The following GAS7 variants were observed in gnomAD, a reference collection of about 807,000 sequenced individuals.
The protein encoded by GAS7 is growth arrest specific 7.
A neutral mutation model predicts 71.1 loss-of-function variants in GAS7; 28 were observed. The observed-to-expected ratio is 0.39, with a 90% confidence interval of 0.29 to 0.54. GAS7 has a LOEUF of 0.54. Ranked by LOEUF, GAS7 falls within the 20% of genes least tolerant of loss-of-function variation. The probability of loss-of-function intolerance (pLI) is 0.62; values close to 1 mark genes in which losing one functional copy is unlikely to be tolerated. For missense variants in GAS7, 436 were observed against 627.8 expected (o/e 0.69, Z 3.27); for synonymous variants, 258 against 245.8 (o/e 1.05, Z -0.46).
intron 1 of GAS7, among the ~76,000 whole-genome samples, chr17:10,098,995 T>C (rs115421636): frequency 0.013 from 1,961 of 152,164 alleles, 33 homozygotes; most frequent in African/African-American, 0.045. Context: ...TAACACAGGT[T>C]AGATGAAGGG....
chr17:10,005,078 C>T (rs998689287), intron 2 of GAS7, among the ~76,000 whole-genome samples: 3 of 127,318 alleles, frequency 2.4e-5, no homozygotes, highest in African/African-American at 1.2e-4. Flanking sequence ...TGCACGCATA[C>T]ATGCGTGTGT....
At chr17:10,182,610 A>C (rs895201955) in intron 1 of GAS7, among the ~76,000 whole-genome samples, 1 of 152,214 alleles carries the variant, frequency 6.6e-6, no homozygotes, top group East Asian at 1.9e-4. Flanking sequence ...CTAGGGGGAT[A>C]AAATGGACAG....
chr17:9,943,909 G>A (rs967045781), intron 6 of GAS7, among the ~76,000 whole-genome samples: 6 of 152,088 alleles, frequency 3.9e-5, no homozygotes, highest in Admixed American at 6.6e-5. Flanking sequence ...CCTTCATGTG[G>A]TCATTTCAGG....
At chr17:10,181,201 G>A (rs1032414212) in intron 1 of GAS7, among the ~76,000 whole-genome samples, 8 of 149,342 alleles carry the variant, frequency 5.4e-5, no homozygotes, top group Admixed American at 2.0e-4. Context: ...CTCTACTACA[G>A]TACAAAAAAT....
intron 1 of GAS7, among the ~76,000 whole-genome samples, chr17:10,120,691 GA>G (rs1393426531): frequency 3.3e-5 from 5 of 152,014 alleles, no homozygotes; most frequent in Non-Finnish European, 5.9e-5. Context: ...CAGCCTGGGG[GA>G]CAAGAGTGAG....
At chr17:10,071,406 T>C (rs1238727063) in intron 1 of GAS7, among the ~76,000 whole-genome samples, 1 of 151,864 alleles carries the variant, frequency 6.6e-6, no homozygotes, top group Non-Finnish European at 1.5e-5. Flanking sequence ...GAACAGAAAA[T>C]GGGTGAAGGC....
intron 1 of GAS7, among the ~76,000 whole-genome samples, chr17:10,099,368 G>A (rs1251558401): frequency 6.6e-6 from 1 of 152,200 alleles, no homozygotes; most frequent in Non-Finnish European, 1.5e-5. Flanking sequence ...AGATCTGCCT[G>A]CAGCAGGGTA....
rs550260238 is a variant in GAS7, at chr17:9,916,035, C to T, written c.*1193G>A. On this transcript the variant is annotated 3_prime_UTR_variant, in exon 14 of 14. Transcript: ENST00000432992. ...AGGGCTCTGGAATGTCCAGAAGGAG[C>T]GGGAAGCAAAGGTGGCGGGACACTG... The T allele has an allele frequency of 4.7e-4, 109 of 232,768 alleles. 1 individual carries two copies. Among genetic ancestry groups the T allele is most frequent in the East Asian group, 3.0e-3 (50 of 16,506 alleles). The allele number at this position is 232,768 out of a possible 1,614,324, so 14.4% of individuals were successfully genotyped here.
chr17:9,927,878 A>G (rs934924391), intron 9 of GAS7, among the ~76,000 whole-genome samples: 1 of 152,122 alleles, frequency 6.6e-6, no homozygotes, highest in Non-Finnish European at 1.5e-5. Context: ...TTGCGCTCAT[A>G]AAGACATTCT....
intron 4 of GAS7, among the ~76,000 whole-genome samples, chr17:9,962,239 T>TACACACACAA (rs1555605519): frequency 1.3e-5 from 2 of 148,614 alleles, no homozygotes; most frequent in African/African-American, 5.0e-5. Flanking sequence ...GTGCATTTTA[T>TACACACACAA]ACACACACAC....
intron 1 of GAS7, among the ~76,000 whole-genome samples, chr17:10,054,412 CA>C (rs906723702): frequency 6.6e-6 from 1 of 152,076 alleles, no homozygotes; most frequent in African/African-American, 2.4e-5. Flanking sequence ...GTTGCTAGAG[CA>C]TCTCGTTTTT....
intron 4 of GAS7, among the ~76,000 whole-genome samples, chr17:9,965,392 C>T (rs1047715772): frequency 3.9e-5 from 6 of 152,188 alleles, no homozygotes; most frequent in Non-Finnish European, 8.8e-5. Flanking sequence ...TGGAGGCCAT[C>T]ATTCTCAGCA....
intron 1 of GAS7, among the ~76,000 whole-genome samples, chr17:10,030,181 G>C (rs1316862461): frequency 6.6e-6 from 1 of 152,210 alleles, no homozygotes; most frequent in African/African-American, 2.4e-5. Context: ...TGAGTCTTTT[G>C]AGTCTTACCT....
chr17:10,071,043 C>T (rs1402863825), intron 1 of GAS7, among the ~76,000 whole-genome samples: 2 of 151,990 alleles, frequency 1.3e-5, no homozygotes, highest in Middle Eastern at 3.2e-3. Flanking sequence ...TCTGGCCTGG[C>T]ATCTGGAACA....
intron 1 of GAS7, among the ~76,000 whole-genome samples, chr17:10,162,345 C>T (rs185413043): frequency 2.6e-5 from 4 of 152,266 alleles, no homozygotes; most frequent in Admixed American, 2.6e-4. Flanking sequence ...TAGGAGGGAG[C>T]TGTATATTTT....
Position 9,948,957 on chromosome 17 carries a change from C to T in GAS7, c.526-1974G>A, listed in dbSNP as rs150221388. ...AAGCACCTGCTGAAGTGGAAAATGT[C>T]ACACATTAAAAAATGATGCAGCCCT... On this transcript the variant is annotated intron_variant, in intron 5 of 13. Transcript: ENST00000432992. Among the ~76,000 whole-genome samples, 664 of 152,286 alleles carry T rather than the reference C, an allele frequency of 4.4e-3. 3 individuals are homozygous for T. The highest frequency in any genetic ancestry group is 0.015 in the African/African-American group (638 of 41,570).
rs2073726662 is a variant in GAS7 at position 10,103,494 on chromosome 17, G to A, written c.184-83597C>T. Among the ~76,000 whole-genome samples the A allele has an allele frequency of 2.0e-5, 3 of 152,038 alleles. No homozygotes were observed. The highest frequency in any genetic ancestry group is 1.3e-4 in the Admixed American group (2 of 15,258). On this transcript the variant is annotated intron_variant, in intron 1 of 13. Transcript: ENST00000432992. This position sits in a 1 kb window ranked among gnomAD's most constrained non-coding sequence, Gnocchi z 5.5. ...AAAACAACGATTTCATTTCTCAGAT[G>A]ATGGGAAATGTTTTCTCTCACACTT...
At chr17:10,155,184 T>G (rs1011340290) in intron 1 of GAS7, among the ~76,000 whole-genome samples, 1 of 151,918 alleles carries the variant, frequency 6.6e-6, no homozygotes, top group Non-Finnish European at 1.5e-5. Flanking sequence ...CCAGCTAATT[T>G]TTTGTATTTT....
At chr17:10,015,373 C>A (rs934300384) in intron 2 of GAS7, among the ~76,000 whole-genome samples, 1 of 152,114 alleles carries the variant, frequency 6.6e-6, no homozygotes, top group Admixed American at 6.6e-5. Context: ...GAATGGCCTG[C>A]TTAGAACCGG....
Sources: allele counts gnomAD v4.1 joint callset (sites outside exome capture counted in the v4.1 genomes callset), GRCh38; gene constraint gnomAD v4.1.1; non-coding constraint Gnocchi (gnomAD v3.1); transcripts MANE v1.5; gene names NCBI Gene and HGNC (gene_info 2026-07-23, HGNC 2026-07-21).